IL27RA: variants seen among roughly 807,000 people sequenced by gnomAD.
IL27RA encodes the protein interleukin-27 receptor subunit alpha.
Under a neutral mutation model 80.8 loss-of-function variants are expected in IL27RA, and 61 were observed. That is an observed-to-expected ratio of 0.76 (90% CI 0.61 to 0.93). IL27RA has a LOEUF of 0.93. Ranked by LOEUF, IL27RA falls within the 40% of genes least tolerant of loss-of-function variation. The pLI is 0.00. For synonymous variants in IL27RA, 316 were observed against 332.5 expected (o/e 0.95, Z 0.54); for missense variants, 735 against 808.1 (o/e 0.91, Z 1.10).
At chr19:14,032,158 C>T (rs1975825409) in intron 1 of IL27RA, among the ~76,000 whole-genome samples, 186 bp downstream of exon 1, 1 of 152,080 alleles carries the variant, frequency 6.6e-6, no homozygotes, top group Non-Finnish European at 1.5e-5. Flanking sequence ...AACCGGAGCC[C>T]CGGGGCGGGG....
chr19:14,032,295 T>A, intron 1 of IL27RA, 91 bp from the exon 2 acceptor site: 1 of 992,070 alleles, frequency 1.0e-6, no homozygotes, highest in Non-Finnish European at 1.5e-6. Flanking sequence ...CCCCCCCACC[T>A]TGCAATTGTC....
At chr19:14,042,280 T>G (rs983993271) in intron 4 of IL27RA, among the ~76,000 whole-genome samples, 173 bp from the exon 5 acceptor site, 24 of 151,014 alleles carry the variant, frequency 1.6e-4, no homozygotes, top group African/African-American at 5.1e-4. Flanking sequence ...GCAGGAGAAT[T>G]GCTTGAACCC....
intron 1 of IL27RA, 109 bp downstream of exon 1, chr19:14,032,081 A>C: frequency 1.0e-6 from 1 of 985,598 alleles, no homozygotes; most frequent in Non-Finnish European, 1.5e-6. Context: ...GTAGAGGTGC[A>C]GGCGCCACTC....
chr19:14,045,673 G>C (rs1048445816), intron 6 of IL27RA, among the ~76,000 whole-genome samples: 3 of 151,440 alleles, frequency 2.0e-5, no homozygotes, highest in Non-Finnish European at 4.4e-5. Flanking sequence ...TTACAATACT[G>C]CATTAAAATA....
intron 2 of IL27RA, among the ~76,000 whole-genome samples, chr19:14,036,098 A>C (rs1325041889): frequency 2.0e-5 from 3 of 150,508 alleles, no homozygotes; most frequent in Non-Finnish European, 4.4e-5. Context: ...AAAAGAAAGA[A>C]GAAGAAGAAG....
At chr19:14,036,386 C>G (rs550401072) in intron 2 of IL27RA, among the ~76,000 whole-genome samples, 2 of 152,150 alleles carry the variant, frequency 1.3e-5, no homozygotes, top group East Asian at 3.9e-4. Context: ...GTTTTAGATT[C>G]CACGTATCAA....
Position 14,032,518 on chromosome 19 carries a change from G to C in IL27RA, c.218+15G>C, listed in dbSNP as rs200591670. 6.4e-7 allele frequency: 1 copy of C among 1,560,846 alleles called. No individual in the cohort carries two copies. ...AGCCAAAAGTAGTGAGTACAGGGAG[G>C]TGACGTGGGGAAACAGGCTTTGGAG... is the stretch of plus-strand genomic sequence containing the variant. On this transcript the variant is annotated intron_variant, in intron 2 of 13. Coordinates refer to ENST00000263379, the MANE Select transcript of IL27RA (RefSeq NM_004843.4).
At chr19:14,032,104 G>T in intron 1 of IL27RA, 132 bp downstream of exon 1, 2 of 845,178 alleles carry the variant, frequency 2.4e-6, no homozygotes, top group Non-Finnish European at 3.6e-6. Flanking sequence ...CTCCTCCCGG[G>T]GCAGGGACCC....
At chr19:14,049,991 C>T (rs977510515) in intron 10 of IL27RA, among the ~76,000 whole-genome samples, 2 of 151,692 alleles carry the variant, frequency 1.3e-5, no homozygotes, top group Non-Finnish European at 2.9e-5. Context: ...GAGTTCGAGA[C>T]CAGCCTGGCC....
chr19:14,052,027 G>A, intron 13 of IL27RA, 54 bp downstream of exon 13: 1 of 1,573,794 alleles, frequency 6.4e-7, no homozygotes, highest in Non-Finnish European at 8.6e-7. Flanking sequence ...GGAGTCCTGG[G>A]GCAGTGGGGA....
Position 14,046,458 on chromosome 19 carries a change from A to C in IL27RA, c.981A>C (p.Ala327=). 6.2e-7 allele frequency: 1 copy of C among 1,614,170 alleles called. No homozygotes were observed. The highest frequency in any genetic ancestry group is 8.5e-7 in the Non-Finnish European group (1 of 1,180,024). Residue 327 remains alanine, a synonymous_variant, in exon 8 of 14, where the codon GCA becomes GCC. Transcript: ENST00000263379. ...CAGCCTCTGCCCCCCGTAGCGTGGC[A>C]GTCAGCAGCATCGCTGGGAGCACGG... ...LDSASAPRSV[A]VSSIAGSTEL...
chr19:14,037,834 C>CTCTTTTTTTTTTTT (rs77898584), intron 2 of IL27RA, among the ~76,000 whole-genome samples: 5 of 129,420 alleles, frequency 3.9e-5, no homozygotes, highest in Non-Finnish European at 4.9e-5. Flanking sequence ...CTCTCTCTCT[C>CTCTTTTTTTTTTTT]TTTTTTTTTT....
intron 8 of IL27RA, among the ~76,000 whole-genome samples, chr19:14,047,558 T>C (rs1365799343): frequency 2.0e-5 from 3 of 151,902 alleles, no homozygotes; most frequent in Non-Finnish European, 4.4e-5. Context: ...GGTTTCACCA[T>C]GTTGGCTAGG....
intron 4 of IL27RA, 105 bp from the exon 5 acceptor site, chr19:14,042,348 A>G: frequency 8.0e-7 from 1 of 1,252,926 alleles, no homozygotes; most frequent in South Asian, 1.4e-5. Context: ...CCTGGGCCAC[A>G]ACGAGACTGT....
chr19:14,043,298 G>C (rs1188395497), intron 6 of IL27RA, among the ~76,000 whole-genome samples: 1 of 152,122 alleles, frequency 6.6e-6, no homozygotes, highest in Non-Finnish European at 1.5e-5. Flanking sequence ...AGCTGCTTCC[G>C]AGAGGTCTGA....
chr19:14,052,430 G>C lies in IL27RA; in HGVS notation c.*140G>C, dbSNP rs949131615. 1 of 644,930 alleles carries C rather than the reference G, an allele frequency of 1.6e-6. No individual in the cohort carries two copies. Among genetic ancestry groups the C allele is most frequent in the Non-Finnish European group, 2.5e-6 (1 of 406,746 alleles). The allele number at this position is 644,930 out of a possible 1,614,324, so 40.0% of individuals were successfully genotyped here. ...TGAGTCACTTACCTGAGGACACCCA[G>C]CCAGGCAGAGCTGGGATTGAAGGAC... On this transcript the variant is annotated 3_prime_UTR_variant, in exon 14 of 14. Transcript: ENST00000263379.
intron 4 of IL27RA, among the ~76,000 whole-genome samples, chr19:14,042,197 CAAAA>C (rs144463133): frequency 4.6e-5 from 4 of 86,338 alleles, no homozygotes; most frequent in Non-Finnish European, 4.9e-5. Context: ...GACTCTGCCT[CAAAA>C]AAAAAAAAAA....
chr19:14,048,506 A>T lies in IL27RA; in HGVS notation c.1142-475A>T, dbSNP rs1976104576. Among the ~76,000 whole-genome samples, 3 of 152,104 alleles carry T rather than the reference A, an allele frequency of 2.0e-5. No individual in the cohort carries two copies. In the South Asian group the frequency reaches 6.2e-4, roughly 32 times the overall value. On this transcript the variant is annotated intron_variant, in intron 8 of 13. Transcript: ENST00000263379. The stretch of plus-strand genomic sequence containing the variant: ...GGTAGGTGCTGTCAGTTGCCTGCTC[A>T]TATCTGTTTGACCACCTCAGAGGTT...
intron 2 of IL27RA, among the ~76,000 whole-genome samples, chr19:14,036,523 C>T (rs1599297081): frequency 7.0e-6 from 1 of 143,680 alleles, no homozygotes; most frequent in East Asian, 2.0e-4. Context: ...GAATCTGGCT[C>T]TGTCACCCAG....
Sources: gnomAD v4.1 joint callset for allele counts (sites outside exome capture counted in the v4.1 genomes callset) on GRCh38, gnomAD v4.1.1 for gene constraint, MANE v1.5 for transcripts, NCBI Gene and HGNC (gene_info 2026-07-23, HGNC 2026-07-21) for gene names.